Variants in PHACTR1 observed in about 807,000 individuals in gnomAD.
PHACTR1 encodes the protein phosphatase and actin regulator 1.
PHACTR1 carries 16 observed loss-of-function variants against 69.2 expected under a neutral mutation model. The observed-to-expected ratio is 0.23, with a 90% CI of 0.16 to 0.35. The LOEUF (loss-of-function observed/expected upper bound fraction) is 0.35, where lower values mean the gene tolerates loss of function less well. PHACTR1 is among the 10% of genes least tolerant of loss of function. PHACTR1 has a pLI of 1.00. For missense variants in PHACTR1, 510 were observed against 734.7 expected (o/e 0.69, Z 3.54); for synonymous variants, 312 against 284.5 (o/e 1.10, Z -0.97).
intron 4 of PHACTR1, among the ~76,000 whole-genome samples, chr6:12,898,431 C>T (rs1219460468): frequency 6.6e-6 from 1 of 152,200 alleles, no homozygotes; most frequent in Non-Finnish European, 1.5e-5. Flanking sequence ...TCCACTCGCC[C>T]TCAGCCCACT....
chr6:13,223,568 G>A (rs573022640), intron 8 of PHACTR1, among the ~76,000 whole-genome samples: 62 of 152,256 alleles, frequency 4.1e-4, no homozygotes, highest in African/African-American at 1.5e-3. Flanking sequence ...CATCTTGCCT[G>A]GGTACATTTA....
chr6:13,007,642 G>A (rs1328269507), intron 4 of PHACTR1, among the ~76,000 whole-genome samples: 3 of 145,622 alleles, frequency 2.1e-5, no homozygotes, highest in Non-Finnish European at 4.5e-5. Flanking sequence ...TGAAAACATG[G>A]CCTATTTTGG....
chr6:13,266,163 GA>G (rs889496453), intron 10 of PHACTR1, among the ~76,000 whole-genome samples: 2 of 152,094 alleles, frequency 1.3e-5, no homozygotes, highest in African/African-American at 4.8e-5. Flanking sequence ...GCATGAGTTA[GA>G]AAACCTAAGG....
chr6:13,017,142 C>T (rs568814155), intron 4 of PHACTR1, among the ~76,000 whole-genome samples: 8 of 142,384 alleles, frequency 5.6e-5, no homozygotes, highest in Admixed American at 3.7e-4. Flanking sequence ...GCCAAGATTG[C>T]GCCATTGCAC....
chr6:13,174,190 G>A (rs1467801306), intron 6 of PHACTR1, among the ~76,000 whole-genome samples: 2 of 152,248 alleles, frequency 1.3e-5, no homozygotes, highest in Non-Finnish European at 2.9e-5. Flanking sequence ...CAAAGGGCAT[G>A]TCTGGGAAGC....
intron 4 of PHACTR1, among the ~76,000 whole-genome samples, chr6:12,959,526 A>G (rs1792412264): frequency 6.6e-6 from 1 of 152,252 alleles, no homozygotes; most frequent in Non-Finnish European, 1.5e-5. Context: ...ATAATATAAA[A>G]GAACAGCTCA....
chr6:12,870,694 G>A (rs537961499), intron 4 of PHACTR1, among the ~76,000 whole-genome samples: 34 of 152,228 alleles, frequency 2.2e-4, no homozygotes, highest in African/African-American at 6.3e-4. Context: ...GCTGAAGTAC[G>A]TTAAGCCTCT....
intron 4 of PHACTR1, among the ~76,000 whole-genome samples, chr6:12,911,574 T>C (rs1379600154): frequency 1.3e-5 from 2 of 152,266 alleles, no homozygotes; most frequent in East Asian, 3.9e-4. Flanking sequence ...ATATGTTAAA[T>C]AATAATGTGG....
At chr6:13,227,039 T>C (rs936773850) in intron 8 of PHACTR1, among the ~76,000 whole-genome samples, 3 of 151,048 alleles carry the variant, frequency 2.0e-5, no homozygotes, top group African/African-American at 7.4e-5. Context: ...CCCAGCAGTA[T>C]AGCTTTTTTA....
chr6:12,840,312 T>C (rs1778566981), intron 4 of PHACTR1, among the ~76,000 whole-genome samples: 1 of 152,226 alleles, frequency 6.6e-6, no homozygotes, highest in South Asian at 2.1e-4. Context: ...ATAGAATTCA[T>C]CTAAAAATGC....
intron 4 of PHACTR1, among the ~76,000 whole-genome samples, chr6:12,948,527 A>T (rs917557410): frequency 7.9e-5 from 12 of 152,204 alleles, no homozygotes; most frequent in Non-Finnish European, 1.6e-4. Flanking sequence ...ATTTAACACA[A>T]ACCACATTTA....
At chr6:13,208,760 C>T (rs1168864491) in intron 8 of PHACTR1, among the ~76,000 whole-genome samples, 1 of 150,882 alleles carries the variant, frequency 6.6e-6, no homozygotes. Flanking sequence ...TTAAAAAAAA[C>T]ACCATATTAA....
intron 8 of PHACTR1, among the ~76,000 whole-genome samples, chr6:13,224,305 G>A (rs1769207779): frequency 6.6e-6 from 1 of 152,238 alleles, no homozygotes; most frequent in African/African-American, 2.4e-5. Flanking sequence ...GGCACTGACT[G>A]AGACAAGTAT....
In PHACTR1 at chr6:12,895,213, C is replaced by T. The variant is rs182950333; in HGVS notation, c.250+145423C>T. Among the ~76,000 whole-genome samples, 582 of 137,752 alleles carry T rather than the reference C, an allele frequency of 4.2e-3. 10 individuals are homozygous for T. The highest frequency in any genetic ancestry group is 0.015 in the African/African-American group (555 of 36,080). The allele number at this position is 137,752 out of a possible 152,430, so 90.4% of individuals were successfully genotyped here. A position where few individuals can be genotyped will look rare whatever the true frequency, so the allele number is the denominator to read the frequency against. ...TTTTTTTTTTTGAGACGAAGTTTCC[C>T]TCTTGTTGCCCAGGCTGGAGTGCAA... On this transcript the variant is annotated intron_variant, in intron 4 of 14. Transcript: ENST00000332995.
chr6:12,887,460 A>G (rs980612547), intron 4 of PHACTR1, among the ~76,000 whole-genome samples: 4 of 152,036 alleles, frequency 2.6e-5, no homozygotes, highest in Admixed American at 2.0e-4. Context: ...TAAGCTAAGC[A>G]CTCATAGCCT....
chr6:12,844,353 C>T (rs991316468), intron 4 of PHACTR1, among the ~76,000 whole-genome samples: 126 of 152,122 alleles, frequency 8.3e-4, no homozygotes, highest in African/African-American at 2.9e-3. Context: ...GCTGTGATCA[C>T]ACCACCGCAC....
chr6:13,091,903 T>C (rs1386562681), intron 5 of PHACTR1, among the ~76,000 whole-genome samples: 1 of 152,180 alleles, frequency 6.6e-6, no homozygotes. Flanking sequence ...GTTCAAGCTG[T>C]TCTCCTGCCT....
At position 13,245,459 on chromosome 6, in the gene PHACTR1, G is replaced by T. The variant is rs1344621087; in HGVS notation, c.1391+15266G>T. ...TTTTTTCATGTTTGTTGGCCACATG[G>T]ATTTCTGTTTTTGTAAAGTGTCTGT... On this transcript the variant is annotated intron_variant, in intron 10 of 14. Coordinates refer to ENST00000332995, the MANE Select transcript of PHACTR1 (RefSeq NM_030948.6). The surrounding 1 kb of genome is among the most constrained non-coding windows in gnomAD (Gnocchi z 4.1). 6.6e-6 allele frequency among the ~76,000 whole-genome samples: 1 copy of T among 152,112 alleles called. No individual in the cohort carries two copies.
intron 4 of PHACTR1, among the ~76,000 whole-genome samples, chr6:12,784,679 T>A (rs1771307189): frequency 6.6e-6 from 1 of 151,866 alleles, no homozygotes; most frequent in African/African-American, 2.4e-5. Flanking sequence ...TACATACACA[T>A]CCACACGTGT....
Sources: gnomAD v4.1 joint callset for allele counts (sites outside exome capture counted in the v4.1 genomes callset) on GRCh38, gnomAD v4.1.1 for gene constraint, Gnocchi (gnomAD v3.1) non-coding constraint, MANE v1.5 for transcripts, NCBI Gene and HGNC (gene_info 2026-07-23, HGNC 2026-07-21) for gene names.